Variants in TTC1 observed in about 807,000 individuals in gnomAD.
TTC1 encodes the protein tetratricopeptide repeat protein 1.
Under a neutral mutation model 37.6 loss-of-function variants are expected in TTC1, and 31 were observed. The observed-to-expected ratio is 0.82, with a 90% CI of 0.62 to 1.11. The LOEUF (loss-of-function observed/expected upper bound fraction) is 1.11. Among genes scored for constraint, TTC1 ranks in the 50% most tolerant of loss-of-function variants. TTC1 has a pLI of 0.00. For missense variants in TTC1, 351 were observed against 339.0 expected, an observed-to-expected ratio of 1.04 and a Z score of -0.28; for synonymous variants, 127 against 122.4, an observed-to-expected ratio of 1.04 and a Z score of -0.25.
chr5:160,020,459 A>T (rs557711271), intron 2 of TTC1, among the ~76,000 whole-genome samples: 2 of 152,296 alleles, frequency 1.3e-5, no homozygotes, highest in East Asian at 3.9e-4. Context: ...GCTTGCTCTA[A>T]AACAGGGGTC....
intron 5 of TTC1, among the ~76,000 whole-genome samples, 193 bp downstream of exon 5, chr5:160,043,362 C>T (rs1757135586): frequency 6.6e-6 from 1 of 152,182 alleles, no homozygotes; most frequent in Admixed American, 6.5e-5. Context: ...ATCAGTTTCT[C>T]CTCTACTGGT....
rs184813647 is a variant in TTC1, at chr5:160,017,457, G to A, written c.330+6599G>A. Among the ~76,000 whole-genome samples the A allele has an allele frequency of 3.3e-5, 5 of 152,224 alleles. No individual in the cohort carries two copies. The East Asian group carries it at 9.7e-4, about 29-fold the overall frequency. On this transcript the variant is annotated intron_variant, in intron 2 of 7. Coordinates refer to ENST00000231238, the MANE Select transcript of TTC1 (RefSeq NM_003314.3). ...GGACACTAATCCATTCATGAGGTTG[G>A]AACCCTTATGACTTAATCACATCCC...
Position 160,035,038 on chromosome 5 carries a change from G to C in TTC1, c.331-102G>C, listed in dbSNP as rs1756978699. The C allele has an allele frequency of 6.2e-6, 6 of 972,518 alleles. No homozygotes were observed. The East Asian group carries it at 1.9e-4, about 30-fold the overall frequency. 60.2% of individuals were successfully genotyped at this position (972,518 alleles called of 1,614,324 possible). A position where few individuals can be genotyped will look rare whatever the true frequency, so the allele number is the denominator to read the frequency against. On this transcript the variant is annotated intron_variant, in intron 2 of 7. Coordinates refer to ENST00000231238, the MANE Select transcript of TTC1 (RefSeq NM_003314.3). ...AAACTGATGCAGTTCTCAAAAGTCA[G>C]ACTGTTGCCTATTAAATAGACTTGT...
chr5:160,033,799 C>T (rs901763729), intron 2 of TTC1, among the ~76,000 whole-genome samples: 1 of 152,238 alleles, frequency 6.6e-6, no homozygotes, highest in Non-Finnish European at 1.5e-5. Context: ...GAACACAGAT[C>T]ATATCAGTTC....
At chr5:160,030,236 T>G (rs1756886284) in intron 2 of TTC1, among the ~76,000 whole-genome samples, 1 of 152,084 alleles carries the variant, frequency 6.6e-6, no homozygotes, top group African/African-American at 2.4e-5. Context: ...GAGGAGGATA[T>G]GGAAGAGTTA....
intron 1 of TTC1, among the ~76,000 whole-genome samples, chr5:160,009,489 CA>C (rs1316548727): frequency 1.3e-5 from 2 of 152,182 alleles, no homozygotes; most frequent in Non-Finnish European, 2.9e-5. Context: ...TACGTTCTTG[CA>C]AATCTGTCGC....
At chr5:160,032,326 G>C (rs1756925680) in intron 2 of TTC1, among the ~76,000 whole-genome samples, 1 of 152,192 alleles carries the variant, frequency 6.6e-6, no homozygotes, top group Non-Finnish European at 1.5e-5. Flanking sequence ...TGGGCATTAA[G>C]ATCTAGTAAC....
At chr5:160,056,442 C>G (rs1254260132) in intron 7 of TTC1, among the ~76,000 whole-genome samples, 2 of 152,186 alleles carry the variant, frequency 1.3e-5, no homozygotes, top group African/African-American at 4.8e-5. Context: ...GGTGGTCATG[C>G]CTATAATCCT....
intron 2 of TTC1, among the ~76,000 whole-genome samples, chr5:160,019,900 A>G (rs929029296): frequency 6.7e-6 from 1 of 150,226 alleles, no homozygotes; most frequent in South Asian, 2.1e-4. Flanking sequence ...CTTTTCTTTC[A>G]TTTCTTGTTT....
intron 5 of TTC1, among the ~76,000 whole-genome samples, chr5:160,047,373 G>A (rs1757279989): frequency 1.3e-5 from 2 of 152,060 alleles, no homozygotes; most frequent in Non-Finnish European, 2.9e-5. Context: ...GTGTCACATG[G>A]CTAATTGATT....
At chr5:160,049,425 G>T in intron 5 of TTC1, 89 bp from the exon 6 acceptor site, 1 of 1,227,486 alleles carries the variant, frequency 8.1e-7, no homozygotes, top group Non-Finnish European at 1.1e-6. Flanking sequence ...TCGTATCCTT[G>T]GAGGATGATT....
chr5:160,039,806 C>T (rs1412894940), intron 4 of TTC1, among the ~76,000 whole-genome samples: 1 of 152,070 alleles, frequency 6.6e-6, no homozygotes, highest in Non-Finnish European at 1.5e-5. Context: ...ACTTACAGGA[C>T]TTCTTAGAGT....
intron 2 of TTC1, among the ~76,000 whole-genome samples, chr5:160,019,919 T>C (rs1056843133): frequency 5.3e-5 from 8 of 151,960 alleles, no homozygotes; most frequent in Non-Finnish European, 1.2e-4. Context: ...TTTCTTTTTG[T>C]TGTTGTTGTT....
intron 2 of TTC1, among the ~76,000 whole-genome samples, chr5:160,032,256 G>A (rs1442037820): frequency 6.6e-6 from 1 of 152,146 alleles, no homozygotes; most frequent in Non-Finnish European, 1.5e-5. Flanking sequence ...GAAGATTATA[G>A]ATCAGAAAAT....
At chr5:160,031,374 G>A (rs941258744) in intron 2 of TTC1, among the ~76,000 whole-genome samples, 24 of 152,238 alleles carry the variant, frequency 1.6e-4, no homozygotes, top group African/African-American at 5.5e-4. Context: ...AACTTTGGGA[G>A]GCCAAGGCAG....
At chr5:160,042,161 C>T (rs921488779) in intron 4 of TTC1, among the ~76,000 whole-genome samples, 4 of 152,164 alleles carry the variant, frequency 2.6e-5, no homozygotes, top group African/African-American at 9.7e-5. Context: ...AACTCCTGAC[C>T]TCTAGTGATC....
intron 2 of TTC1, among the ~76,000 whole-genome samples, chr5:160,028,256 A>T (rs2113359916): frequency 6.7e-6 from 1 of 148,358 alleles, no homozygotes; most frequent in African/African-American, 2.5e-5. Context: ...CCAAGATCAC[A>T]CCACTGCACT....
intron 7 of TTC1, among the ~76,000 whole-genome samples, chr5:160,055,509 G>C (rs1757520406): frequency 6.6e-6 from 1 of 152,234 alleles, no homozygotes; most frequent in Admixed American, 6.5e-5. Context: ...ACCTTTTGGA[G>C]CTGCATCTCA....
At chr5:160,017,435 C>T (rs1168733016) in intron 2 of TTC1, among the ~76,000 whole-genome samples, 1 of 152,112 alleles carries the variant, frequency 6.6e-6, no homozygotes, top group African/African-American at 2.4e-5. Flanking sequence ...TTTATTAGGA[C>T]ACTAATCCAT....
Sources: allele counts gnomAD v4.1 joint callset (sites outside exome capture counted in the v4.1 genomes callset), GRCh38; gene constraint gnomAD v4.1.1; transcripts MANE v1.5; gene names NCBI Gene and HGNC (gene_info 2026-07-23, HGNC 2026-07-21).